Variants in DPP10 observed in about 807,000 individuals in gnomAD.
DPP10 encodes the protein dipeptidyl peptidase like 10, also known as inactive dipeptidyl peptidase 10.
In DPP10, 33 loss-of-function variants were observed where a neutral mutation model predicts 120.9. The ratio of observed to expected loss-of-function variants is 0.27; its 90% confidence interval spans 0.21 to 0.37. DPP10 has a LOEUF of 0.37. Among genes scored for constraint, DPP10 ranks in the 10% least tolerant of loss-of-function variants. DPP10 has a pLI of 1.00. For missense variants in DPP10, 816 were observed against 942.8 expected, an observed-to-expected ratio of 0.87 and a Z score of 1.76; for synonymous variants, 337 against 326.1, an observed-to-expected ratio of 1.03 and a Z score of -0.36.
chr2:115,701,674 T>C (rs976311331), intron 7 of DPP10, among the ~76,000 whole-genome samples: 20 of 152,046 alleles, frequency 1.3e-4, no homozygotes, highest in African/African-American at 4.6e-4. Flanking sequence ...ACATGTGGAA[T>C]AGAAAATATT....
In DPP10 at chr2:114,605,144, C is replaced by T. The variant is rs148762355; in HGVS notation, c.60+162306C>T. ...GGAGTTCTGAAGAATGTGGTCATTG[C>T]TATGGATTGATGTTAGAGACCAGAG... On this transcript the variant is annotated intron_variant, in intron 1 of 25. Coordinates refer to ENST00000410059, the MANE Select transcript of DPP10 (RefSeq NM_020868.6). Among the ~76,000 whole-genome samples the T allele has an allele frequency of 8.3e-3, 1,266 of 152,164 alleles. 13 individuals are homozygous for T. The highest frequency in any genetic ancestry group is 0.013 in the Non-Finnish European group (867 of 67,990).
intron 5 of DPP10, among the ~76,000 whole-genome samples, chr2:115,528,718 G>T (rs997298600): frequency 6.6e-6 from 1 of 151,828 alleles, no homozygotes; most frequent in African/African-American, 2.4e-5. Context: ...ACAGAAACAT[G>T]GATAAATCTT....
At chr2:115,267,235 G>A (rs1343266540) in intron 1 of DPP10, among the ~76,000 whole-genome samples, 1 of 152,174 alleles carries the variant, frequency 6.6e-6, no homozygotes, top group East Asian at 1.9e-4. Flanking sequence ...CTCTATCAGA[G>A]ACGGATTATA....
chr2:115,377,558 T>G (rs935263282), intron 3 of DPP10, among the ~76,000 whole-genome samples: 41 of 152,320 alleles, frequency 2.7e-4, no homozygotes, highest in African/African-American at 7.9e-4. Context: ...TTAGTTTAAT[T>G]AGATCCCATT....
intron 5 of DPP10, among the ~76,000 whole-genome samples, chr2:115,668,987 T>C: frequency 6.6e-6 from 1 of 152,124 alleles, no homozygotes; most frequent in Non-Finnish European, 1.5e-5. Context: ...GGCCTTCCCT[T>C]AGGATTTTTT....
chr2:115,836,115 G>A (rs1245951447), intron 21 of DPP10, 42 bp from the exon 22 acceptor site: 3 of 919,794 alleles, frequency 3.3e-6, no homozygotes, highest in Admixed American at 9.9e-5. Flanking sequence ...GTGTGTGTGT[G>A]TGAGATATAT....
chr2:115,835,471 C>A (rs1414933262), intron 21 of DPP10, among the ~76,000 whole-genome samples: 1 of 152,094 alleles, frequency 6.6e-6, no homozygotes, highest in Non-Finnish European at 1.5e-5. Flanking sequence ...GAGAGAGAGA[C>A]CCTTGAAAAC....
At chr2:114,931,688 G>C (rs1696079709) in intron 1 of DPP10, among the ~76,000 whole-genome samples, 1 of 152,306 alleles carries the variant, frequency 6.6e-6, no homozygotes, top group Admixed American at 6.5e-5. Flanking sequence ...GGACTTAGGA[G>C]TATAGACCAA....
At chr2:115,005,937 G>A (rs1444147637) in intron 1 of DPP10, among the ~76,000 whole-genome samples, 4 of 152,106 alleles carry the variant, frequency 2.6e-5, no homozygotes, top group African/African-American at 9.7e-5. Flanking sequence ...AAGTTGAAAT[G>A]AAGGAAAAAA....
At chr2:115,334,179 A>T (rs955665002) in intron 2 of DPP10, among the ~76,000 whole-genome samples, 1 of 146,068 alleles carries the variant, frequency 6.8e-6, no homozygotes, top group Non-Finnish European at 1.5e-5. Context: ...AGCAACTCCA[A>T]AAGTAATTCT....
At chr2:115,174,813 T>C (rs2053589232) in intron 1 of DPP10, among the ~76,000 whole-genome samples, 1 of 152,194 alleles carries the variant, frequency 6.6e-6, no homozygotes, top group Non-Finnish European at 1.5e-5. Context: ...CTGTAAACCC[T>C]GTGGAGCTTC....
chr2:115,349,572 G>T (rs2063890938), intron 3 of DPP10, among the ~76,000 whole-genome samples: 1 of 152,084 alleles, frequency 6.6e-6, no homozygotes, highest in Non-Finnish European at 1.5e-5. Context: ...CCTGACATTT[G>T]TTAATAAATG....
At chr2:115,053,812 C>G (rs138657499) in intron 1 of DPP10, among the ~76,000 whole-genome samples, 3 of 152,232 alleles carry the variant, frequency 2.0e-5, no homozygotes, top group African/African-American at 7.2e-5. Context: ...TCCCAATATC[C>G]ATTTGTAGAG....
At chr2:114,451,987 C>G (rs1395625739) in intron 1 of DPP10, among the ~76,000 whole-genome samples, 2 of 152,148 alleles carry the variant, frequency 1.3e-5, no homozygotes, top group Admixed American at 1.3e-4. Flanking sequence ...CAGCTACTTT[C>G]TTGAAGGTTA....
intron 16 of DPP10, among the ~76,000 whole-genome samples, chr2:115,781,529 A>G: frequency 6.6e-6 from 1 of 151,972 alleles, no homozygotes; most frequent in Non-Finnish European, 1.5e-5. Flanking sequence ...CAATATATTC[A>G]TAGAAATCAT....
chr2:115,455,242 C>G (rs2073430884), intron 3 of DPP10, among the ~76,000 whole-genome samples: 1 of 151,736 alleles, frequency 6.6e-6, no homozygotes, highest in South Asian at 2.1e-4. Flanking sequence ...CAAAATTGAT[C>G]TATACATTGA....
intron 1 of DPP10, among the ~76,000 whole-genome samples, chr2:114,517,341 T>C (rs895445263): frequency 1.3e-5 from 2 of 152,036 alleles, no homozygotes; most frequent in Non-Finnish European, 2.9e-5. Context: ...GCCAACATGG[T>C]GAAACCCCAT....
chr2:115,555,715 C>G (rs1395224713), intron 5 of DPP10, among the ~76,000 whole-genome samples: 1 of 152,026 alleles, frequency 6.6e-6, no homozygotes, highest in Non-Finnish European at 1.5e-5. Context: ...CATATTTGGT[C>G]CCTTCATATG....
At chr2:115,196,414 T>C (rs1245179584) in intron 1 of DPP10, among the ~76,000 whole-genome samples, 3 of 152,198 alleles carry the variant, frequency 2.0e-5, no homozygotes, top group East Asian at 1.9e-4. Flanking sequence ...TTTTATGAAA[T>C]ATTTCATATT....
Sources: gnomAD v4.1 joint callset for allele counts (sites outside exome capture counted in the v4.1 genomes callset) on GRCh38, gnomAD v4.1.1 for gene constraint, MANE v1.5 for transcripts, NCBI Gene and HGNC (gene_info 2026-07-23, HGNC 2026-07-21) for gene names.